The following HPSE2 variants were observed in gnomAD, a reference collection of about 807,000 sequenced individuals.
HPSE2 encodes the protein heparanase 2 (inactive), also known as inactive heparanase-2.
A neutral mutation model predicts 60.5 loss-of-function variants in HPSE2; 38 were observed. That is an observed-to-expected ratio of 0.63 (90% CI 0.48 to 0.82). HPSE2 has a LOEUF of 0.82. Among genes scored for constraint, HPSE2 ranks in the 40% least tolerant of loss-of-function variants. HPSE2 has a pLI of 0.00. For synonymous variants in HPSE2, 295 were observed against 293.2 expected, an observed-to-expected ratio of 1.01 and a Z score of -0.06; for missense variants, 713 against 740.4, an observed-to-expected ratio of 0.96 and a Z score of 0.43.
chr10:99,256,451 G>A, the HPSE2 span, among the ~76,000 whole-genome samples: 1 of 146,820 alleles, frequency 6.8e-6, no homozygotes, highest in South Asian at 2.3e-4. Flanking sequence ...AGACTTCCCA[G>A]CGTCTCGAAC....
chr10:98,544,610 G>A (rs1166344880), intron 9 of HPSE2, among the ~76,000 whole-genome samples: 2 of 150,784 alleles, frequency 1.3e-5, no homozygotes, highest in African/African-American at 4.9e-5. Flanking sequence ...CTACGCGGGA[G>A]GCTGAGGCAG....
intron 3 of HPSE2, among the ~76,000 whole-genome samples, chr10:99,073,323 C>T (rs1052935605): frequency 6.6e-6 from 1 of 152,104 alleles, no homozygotes; most frequent in Admixed American, 6.5e-5. Context: ...ATGTCCTTTG[C>T]AGGGACATGG....
chr10:98,936,490 C>G (rs1243496912), intron 3 of HPSE2, among the ~76,000 whole-genome samples: 1 of 143,158 alleles, frequency 7.0e-6, no homozygotes, highest in African/African-American at 2.9e-5. Context: ...GCATAGTACC[C>G]CCAGTGGGTA....
At chr10:98,655,562 T>A (rs1410176518) in intron 6 of HPSE2, among the ~76,000 whole-genome samples, 2 of 152,214 alleles carry the variant, frequency 1.3e-5, no homozygotes, top group African/African-American at 4.8e-5. Context: ...AGAAAAGTCA[T>A]TGATTGTCAG....
intron 3 of HPSE2, among the ~76,000 whole-genome samples, chr10:99,103,168 A>G (rs2135651006): frequency 6.6e-6 from 1 of 152,312 alleles, no homozygotes; most frequent in South Asian, 2.1e-4. Flanking sequence ...AAGGGTATTC[A>G]ATTAGGAAAA....
intron 11 of HPSE2, among the ~76,000 whole-genome samples, chr10:98,466,607 T>C (rs1379807568): frequency 2.2e-5 from 3 of 135,508 alleles, no homozygotes; most frequent in Non-Finnish European, 4.6e-5. Flanking sequence ...TGAGACTCCG[T>C]CTCAAAAAAA....
intron 9 of HPSE2, among the ~76,000 whole-genome samples, chr10:98,591,123 G>T (rs1945077678): frequency 2.4e-5 from 1 of 41,384 alleles, no homozygotes; most frequent in Admixed American, 3.7e-4. Context: ...GTGAAATAGG[G>T]ATCAAAAAAA....
At chr10:99,192,464 TCTCA>T (rs1848255238) in intron 2 of HPSE2, among the ~76,000 whole-genome samples, 1 of 151,686 alleles carries the variant, frequency 6.6e-6, no homozygotes, top group African/African-American at 2.4e-5. Context: ...TTAGACAGAG[TCTCA>T]CTGTGTCACC....
At chr10:98,603,782 A>G (rs1945501408) in intron 9 of HPSE2, among the ~76,000 whole-genome samples, 2 of 151,978 alleles carry the variant, frequency 1.3e-5, no homozygotes, top group African/African-American at 4.8e-5. Context: ...TAGCCTAATA[A>G]TACCCTGTTG....
intron 3 of HPSE2, among the ~76,000 whole-genome samples, chr10:99,117,417 G>GAAAAAAAAAAAAAAAAAAAAAAAACAAAA (rs1844742607): frequency 4.0e-5 from 1 of 24,802 alleles, no homozygotes; most frequent in Non-Finnish European, 5.9e-5. Flanking sequence ...TTGTTTTTTT[G>GAAAAAAAAAAAAAAAAAAAAAAAACAAAA]AAAAAAAAAA....
rs558095693 is a variant in HPSE2 at position 98,544,475 on chromosome 10, C to A, written c.1321-54279G>T. ...CCTGTAATCCCAGCACTTTGGGAGG[C>A]CGAGGCAGGCGGATCACGAGGTCAG... On this transcript the variant is annotated intron_variant, in intron 9 of 11. Coordinates refer to ENST00000370552, the MANE Select transcript of HPSE2 (RefSeq NM_021828.5). 4.6e-5 allele frequency among the ~76,000 whole-genome samples: 7 copies of A among 152,090 alleles called. No homozygotes were observed. The East Asian group carries it at 7.7e-4, about 17-fold the overall frequency.
At chr10:99,227,814 T>C (rs1849518918) in intron 2 of HPSE2, among the ~76,000 whole-genome samples, 1 of 149,016 alleles carries the variant, frequency 6.7e-6, no homozygotes, top group South Asian at 2.1e-4. Flanking sequence ...TATATATATA[T>C]GTATATATAT....
intron 3 of HPSE2, among the ~76,000 whole-genome samples, chr10:99,056,822 T>TA (rs1336758099): frequency 6.6e-5 from 10 of 152,142 alleles, no homozygotes; most frequent in African/African-American, 2.2e-4. Context: ...TTCTACTCTA[T>TA]AAAACTGAAA....
intron 11 of HPSE2, among the ~76,000 whole-genome samples, chr10:98,464,725 T>C (rs1314951837): frequency 2.0e-5 from 3 of 152,244 alleles, no homozygotes; most frequent in African/African-American, 7.2e-5. Flanking sequence ...GCATTATTTC[T>C]GATCTTCCTG....
At chr10:98,564,711 A>C (rs1432409442) in intron 9 of HPSE2, among the ~76,000 whole-genome samples, 1 of 152,190 alleles carries the variant, frequency 6.6e-6, no homozygotes, top group African/African-American at 2.4e-5. Flanking sequence ...AACCAAACAA[A>C]CATTTTAGGG....
Position 99,232,372 on chromosome 10 carries a change from A to G in HPSE2, c.424T>C (p.Tyr142His). 6.4e-7 allele frequency: 1 copy of G among 1,551,526 alleles called. No individual in the cohort carries two copies. The change falls in exon 2 of 12, where the codon TAC (tyrosine) becomes CAC (histidine). Residue 142 changes from tyrosine (Y) to histidine (H), a missense_variant. Physicochemically the swap from Tyr to His is moderately conservative, Grantham distance 83. Coordinates refer to ENST00000370552, the MANE Select transcript of HPSE2 (RefSeq NM_021828.5). ...AKSRGGPGPD[Y>H]YLKNYEDDIV... Reference sequence around the variant, plus strand: ...CCATCCTCATAGTTTTTGAGATAGTAATCCGGGCCCGGGCCCCCGCGGCTT... The same window carrying G: ...CCATCCTCATAGTTTTTGAGATAGTGATCCGGGCCCGGGCCCCCGCGGCTT...
At chr10:99,103,653 CA>C (rs1844111734) in intron 3 of HPSE2, among the ~76,000 whole-genome samples, 1 of 152,228 alleles carries the variant, frequency 6.6e-6, no homozygotes, top group Admixed American at 6.5e-5. Context: ...CATATGGAAC[CA>C]AAAGAGAGCC....
At chr10:98,599,937 G>A (rs1945351332) in intron 9 of HPSE2, among the ~76,000 whole-genome samples, 1 of 152,146 alleles carries the variant, frequency 6.6e-6, no homozygotes, top group Non-Finnish European at 1.5e-5. Flanking sequence ...TCATTACATT[G>A]ATGTGTAGTG....
chr10:98,752,917 C>G (rs761167765), intron 3 of HPSE2, among the ~76,000 whole-genome samples: 2 of 151,984 alleles, frequency 1.3e-5, no homozygotes, highest in African/African-American at 2.4e-5. Context: ...GAGGACAGTA[C>G]GTGAAGTGAA....
Sources: allele counts gnomAD v4.1 joint callset (sites outside exome capture counted in the v4.1 genomes callset), GRCh38; gene constraint gnomAD v4.1.1; transcripts MANE v1.5; gene names NCBI Gene and HGNC (gene_info 2026-07-23, HGNC 2026-07-21).